MLLT3: variants seen among roughly 807,000 people sequenced by gnomAD.
MLLT3 encodes MLLT3 super elongation complex subunit.
Under a neutral mutation model 53.2 loss-of-function variants are expected in MLLT3, and 4 were observed. The observed-to-expected ratio is 0.08, with a 90% confidence interval of 0.04 to 0.17. MLLT3 has a LOEUF of 0.17. Ranked by LOEUF, MLLT3 falls within the 10% of genes least tolerant of loss-of-function variation. The pLI, the probability that MLLT3 is intolerant of heterozygous loss-of-function variation, is 1.00. For missense variants in MLLT3, 569 were observed against 684.0 expected (o/e 0.83, Z 1.87); for synonymous variants, 283 against 230.6 (o/e 1.23, Z -2.06).
rs1483904700 is a variant in MLLT3, at chr9:20,441,627, T to G, written c.420+6496A>C. ...CTTACATTTATTTAAATAAACCACC[T>G]TTTATCAGTGCCAGTAAAAAAGCAG... On this transcript the variant is annotated intron_variant, in intron 4 of 10. Coordinates refer to ENST00000380338, the MANE Select transcript of MLLT3 (RefSeq NM_004529.4). 2.0e-5 allele frequency among the ~76,000 whole-genome samples: 3 copies of G among 152,156 alleles called. No individual in the cohort carries two copies. In the South Asian group the frequency reaches 6.2e-4, roughly 32 times the overall value.
At chr9:20,511,174 T>G (rs552619496) in intron 2 of MLLT3, among the ~76,000 whole-genome samples, 7 of 152,262 alleles carry the variant, frequency 4.6e-5, no homozygotes, top group African/African-American at 1.7e-4. Flanking sequence ...GTGGTGTATG[T>G]GTGTGTGCAT....
intron 4 of MLLT3, among the ~76,000 whole-genome samples, chr9:20,424,543 A>C (rs1823095223): frequency 6.6e-6 from 1 of 152,162 alleles, no homozygotes; most frequent in Admixed American, 6.6e-5. Flanking sequence ...AAAACTGGAG[A>C]ATCTTATAAG....
chr9:20,413,008 A>C (rs746800971), intron 5 of MLLT3, among the ~76,000 whole-genome samples: 11 of 152,210 alleles, frequency 7.2e-5, no homozygotes, highest in Non-Finnish European at 1.5e-4. Context: ...ATGCTCTCTT[A>C]GGCATCCACA....
chr9:20,601,196 C>T (rs1820413108), intron 2 of MLLT3, among the ~76,000 whole-genome samples: 1 of 152,176 alleles, frequency 6.6e-6, no homozygotes, highest in Non-Finnish European at 1.5e-5. Context: ...CCATGATACA[C>T]TGCCCACCTT....
At position 20,456,686 on chromosome 9, in the gene MLLT3, T is replaced by A. The variant is rs1586962446; in HGVS notation, c.276+18A>T. On this transcript the variant is annotated intron_variant, in intron 3 of 10. Transcript: ENST00000380338. ...GGTGGATCGTCTACTGAAAGATTAATGGGTAAAGATTACATACCTTGTTTT... is the reference window on the plus strand; with the variant it reads ...GGTGGATCGTCTACTGAAAGATTAAAGGGTAAAGATTACATACCTTGTTTT... 6.4e-7 allele frequency: 1 copy of A among 1,555,722 alleles called. No individual in the cohort carries two copies.
chr9:20,558,220 G>T (rs1204350218), intron 2 of MLLT3, among the ~76,000 whole-genome samples: 1 of 152,198 alleles, frequency 6.6e-6, no homozygotes, highest in Non-Finnish European at 1.5e-5. Context: ...CTTCAGGAAA[G>T]AATGTTTCTT....
chr9:20,481,241 A>C (rs1414275923), intron 2 of MLLT3, among the ~76,000 whole-genome samples: 1 of 152,218 alleles, frequency 6.6e-6, no homozygotes, highest in African/African-American at 2.4e-5. Context: ...ATGGACTCAC[A>C]TATTACATGC....
chr9:20,395,691 T>C (rs1456527239), intron 5 of MLLT3, among the ~76,000 whole-genome samples: 1 of 152,188 alleles, frequency 6.6e-6, no homozygotes, highest in East Asian at 1.9e-4. Flanking sequence ...CTTTTAGCTG[T>C]CCTTTCAGTA....
At chr9:20,408,710 C>T (rs1408954848) in intron 5 of MLLT3, among the ~76,000 whole-genome samples, 2 of 152,138 alleles carry the variant, frequency 1.3e-5, no homozygotes, top group African/African-American at 2.4e-5. Flanking sequence ...TTTGAAAACA[C>T]AATAAAGACC....
intron 2 of MLLT3, among the ~76,000 whole-genome samples, chr9:20,480,142 C>T (rs1824625867): frequency 6.6e-6 from 1 of 152,174 alleles, no homozygotes; most frequent in Non-Finnish European, 1.5e-5. Context: ...TTCTGGAAAG[C>T]AGGTTTAAGG....
chr9:20,546,529 G>A lies in MLLT3; in HGVS notation c.193+74125C>T, dbSNP rs1164329052. Among the ~76,000 whole-genome samples the A allele has an allele frequency of 2.7e-5, 4 of 145,856 alleles. No individual in the cohort carries two copies. In the East Asian group the frequency reaches 6.1e-4, roughly 22 times the overall value. Reference sequence around the variant, plus strand: ...ACTGCACTCTGGTATGGGCAACAGAGCAAGAACCTATCACTTAAAAAAAAA... The same window carrying A: ...ACTGCACTCTGGTATGGGCAACAGAACAAGAACCTATCACTTAAAAAAAAA... On this transcript the variant is annotated intron_variant, in intron 2 of 10. Coordinates refer to ENST00000380338, the MANE Select transcript of MLLT3 (RefSeq NM_004529.4).
intron 8 of MLLT3, among the ~76,000 whole-genome samples, chr9:20,359,285 C>T (rs1230734780): frequency 6.6e-6 from 1 of 151,986 alleles, no homozygotes; most frequent in Non-Finnish European, 1.5e-5. Flanking sequence ...AGCTGATTGG[C>T]CATGATGCAT....
intron 2 of MLLT3, among the ~76,000 whole-genome samples, chr9:20,509,062 A>G (rs1371880938): frequency 6.6e-6 from 1 of 152,176 alleles, no homozygotes; most frequent in Admixed American, 6.5e-5. Context: ...CATGCAAGAG[A>G]GGTATCTATT....
intron 4 of MLLT3, among the ~76,000 whole-genome samples, chr9:20,418,606 GT>G (rs1475762452): frequency 2.6e-5 from 4 of 152,214 alleles, no homozygotes; most frequent in African/African-American, 9.6e-5. Flanking sequence ...ACCCAAAAGA[GT>G]TTATTTGTTT....
intron 2 of MLLT3, among the ~76,000 whole-genome samples, chr9:20,612,815 G>T (rs1373902336): frequency 1.3e-5 from 2 of 152,046 alleles, no homozygotes; most frequent in East Asian, 1.9e-4. Flanking sequence ...AGATATAGAG[G>T]AAAAATGGTA....
intron 5 of MLLT3, among the ~76,000 whole-genome samples, chr9:20,371,909 T>A (rs1163923163): frequency 6.6e-6 from 1 of 152,210 alleles, no homozygotes; most frequent in Non-Finnish European, 1.5e-5. Context: ...CCATTCTAGA[T>A]GCCATTATGA....
intron 2 of MLLT3, among the ~76,000 whole-genome samples, chr9:20,486,576 C>T (rs372275496): frequency 6.6e-6 from 1 of 152,116 alleles, no homozygotes; most frequent in Non-Finnish European, 1.5e-5. Context: ...AAATGATATT[C>T]CACCTCACGA....
intron 2 of MLLT3, among the ~76,000 whole-genome samples, chr9:20,601,093 G>A (rs936888422): frequency 6.6e-6 from 1 of 152,108 alleles, no homozygotes; most frequent in Non-Finnish European, 1.5e-5. Flanking sequence ...GGGTTTGGAG[G>A]CAAAACAATG....
chr9:20,459,568 T>G (rs552558583), intron 2 of MLLT3, among the ~76,000 whole-genome samples: 5 of 152,336 alleles, frequency 3.3e-5, no homozygotes, highest in Non-Finnish European at 7.4e-5. Context: ...GAAGGTAGTT[T>G]ATTTTGTGGG....
Sources: allele counts gnomAD v4.1 joint callset (sites outside exome capture counted in the v4.1 genomes callset), GRCh38; gene constraint gnomAD v4.1.1; transcripts MANE v1.5; gene names NCBI Gene and HGNC (gene_info 2026-07-23, HGNC 2026-07-21).